The following PTPN3 variants were observed in gnomAD, a reference collection of about 807,000 sequenced individuals.
PTPN3 encodes the protein tyrosine-protein phosphatase non-receptor type 3.
A neutral mutation model predicts 132.7 loss-of-function variants in PTPN3; 96 were observed. The ratio of observed to expected loss-of-function variants is 0.72; its 90% CI spans 0.61 to 0.86. PTPN3 has a LOEUF of 0.86. Among genes scored for constraint, PTPN3 ranks in the 40% least tolerant of loss-of-function variants. The probability of loss-of-function intolerance (pLI) is 0.00; values close to 1 mark genes in which losing one functional copy is unlikely to be tolerated. For synonymous variants in PTPN3, 398 were observed against 429.0 expected (o/e 0.93, Z 0.89); for missense variants, 1,125 against 1,159.6 (o/e 0.97, Z 0.43).
the PTPN3 span, among the ~76,000 whole-genome samples, chr9:109,537,515 CTCTG>C: frequency 7.4e-6 from 1 of 134,722 alleles, no homozygotes. Flanking sequence ...TTTTCTTTCT[CTCTG>C]TCTGCCTGAC....
chr9:109,447,271 G>C (rs547187538), intron 6 of PTPN3, among the ~76,000 whole-genome samples: 42 of 152,226 alleles, frequency 2.8e-4, no homozygotes, highest in African/African-American at 7.9e-4. Flanking sequence ...GCGTAGTTCG[G>C]TGCCTGTCTC....
In PTPN3 at chr9:109,391,478, C is replaced by T. The variant is rs1490182986; in HGVS notation, c.2037G>A (p.Val679=). The T allele has an allele frequency of 1.2e-6, 2 of 1,612,400 alleles. No homozygotes were observed. The highest frequency in any genetic ancestry group is 1.1e-5 in the South Asian group (1 of 91,008). Residue 679 remains valine (V), a synonymous_variant, in exon 20 of 26, where the codon GTG becomes GTA. Transcript: ENST00000374541. Reference sequence around the variant, plus strand: ...TTCATGCCGGATACTCACAAGGCAGCACATCTTTATATCGGTTTTTGTCCA... The same window carrying T: ...TTCATGCCGGATACTCACAAGGCAGTACATCTTTATATCGGTTTTTGTCCA... ...QNLDKNRYKD[V]LPYDTTRVLL... is the part of the protein sequence containing the mutation.
intron 8 of PTPN3, among the ~76,000 whole-genome samples, chr9:109,437,745 A>G (rs1844162637): frequency 7.2e-6 from 1 of 139,462 alleles, no homozygotes; most frequent in Non-Finnish European, 1.6e-5. Context: ...CTGTTTAACA[A>G]GACCTGAAGG....
intron 7 of PTPN3, 110 bp from the exon 8 acceptor site, chr9:109,438,344 T>G: frequency 2.5e-6 from 3 of 1,196,318 alleles, no homozygotes; most frequent in Non-Finnish European, 2.3e-6. Flanking sequence ...AGAAATACTC[T>G]TCTGGTAAGT....
rs115197740 is a variant in PTPN3 at position 109,418,912 on chromosome 9, A to G, written c.1313+1512T>C. ...TGAGTGGGCTTCCCAGAGCCCTCCA[A>G]CGCTTCCCTAAACCGTTTTCTCCTT... On this transcript the variant is annotated intron_variant, in intron 14 of 25. Transcript: ENST00000374541. 4.9e-3 allele frequency among the ~76,000 whole-genome samples: 747 copies of G among 152,220 alleles called. 3 individuals carry two copies. Among genetic ancestry groups the G allele is most frequent in the African/African-American group, 0.017 (718 of 41,564 alleles).
chr9:109,391,290 G>A (rs1187443850), intron 20 of PTPN3, 91 bp from the exon 21 acceptor site: 6 of 1,340,140 alleles, frequency 4.5e-6, no homozygotes, highest in Non-Finnish European at 5.2e-6. Context: ...CCCATCTGCA[G>A]CTCTGCCTCA....
the PTPN3 span, among the ~76,000 whole-genome samples, chr9:109,527,486 TTAAAAA>T: frequency 1.3e-5 from 2 of 152,138 alleles, no homozygotes; most frequent in East Asian, 3.9e-4. Flanking sequence ...AAATAAAAAT[TTAAAAA>T]TAAAATAAAA....
chr9:109,389,238 C>T lies in PTPN3; in HGVS notation c.2248G>A (p.Gly750Arg). 3.1e-6 allele frequency: 5 copies of T among 1,614,154 alleles called. No individual in the cohort carries two copies. The highest frequency in any genetic ancestry group is 4.2e-6 in the Non-Finnish European group (5 of 1,180,014). The change falls in exon 22 of 26, where the codon GGG becomes AGG. Residue 750 changes from glycine (G) to arginine (R), a missense_variant. Physicochemically the swap from Gly to Arg is moderately radical, Grantham distance 125. Transcript: ENST00000374541. ...IVMLTTLTERGRTKCHQYWPD... is the reference protein window; with the variant it reads ...IVMLTTLTERRRTKCHQYWPD... ...TTAGAAATCAAGCTACTTACCCGCC[C>T]TCGTTCTGTGAGAGTCGTCAACATG...
Position 109,387,870 on chromosome 9 carries a change from C to T in PTPN3, c.2253+1363G>A, listed in dbSNP as rs1839726125. 2.0e-5 allele frequency among the ~76,000 whole-genome samples: 3 copies of T among 152,042 alleles called. No individual in the cohort carries two copies. The South Asian group carries it at 6.2e-4, about 32-fold the overall frequency. ...AATTGCAATGTTTCTAAGAAGAAACCCATGAGCCTCAAGGGAGAGCACAAA... is the reference window on the plus strand; with the variant it reads ...AATTGCAATGTTTCTAAGAAGAAACTCATGAGCCTCAAGGGAGAGCACAAA... On this transcript the variant is annotated intron_variant, in intron 22 of 25. Transcript: ENST00000374541.
intron 7 of PTPN3, among the ~76,000 whole-genome samples, chr9:109,441,109 T>C (rs913340411): frequency 6.6e-6 from 1 of 152,212 alleles, no homozygotes; most frequent in Admixed American, 6.5e-5. Context: ...ACTCTGACCA[T>C]AGTCCCTGCT....
At chr9:109,446,923 C>T (rs557662395) in intron 6 of PTPN3, among the ~76,000 whole-genome samples, 3 of 138,380 alleles carry the variant, frequency 2.2e-5, no homozygotes, top group African/African-American at 5.2e-5. Context: ...CCTTGAGTGC[C>T]GGCTACCATG....
At chr9:109,468,511 C>G (rs1026249557) in intron 1 of PTPN3, among the ~76,000 whole-genome samples, 11 of 152,048 alleles carry the variant, frequency 7.2e-5, no homozygotes, top group African/African-American at 2.4e-4. Context: ...GGACTACAGG[C>G]GCCCGCCACC....
chr9:109,417,884 A>C, intron 14 of PTPN3: 1 of 726,202 alleles, frequency 1.4e-6, no homozygotes, highest in Non-Finnish European at 1.7e-6. Flanking sequence ...CACACTTTAC[A>C]AGGTCTCAAG....
chr9:109,414,654 A>C (rs77441925), intron 14 of PTPN3, among the ~76,000 whole-genome samples: 5,775 of 152,282 alleles, frequency 0.038, 147 homozygotes, highest in East Asian at 0.15. Context: ...ATGGTGCTTT[A>C]TGAGCTCACA....
intron 19 of PTPN3, among the ~76,000 whole-genome samples, chr9:109,404,033 A>G (rs1841358034): frequency 1.3e-5 from 2 of 149,274 alleles, no homozygotes; most frequent in Admixed American, 6.6e-5. Flanking sequence ...TCCTTCACCC[A>G]CAGCCACCTC....
rs1838840942 is a variant in PTPN3 at position 109,379,489 on chromosome 9, G to A, written c.*67C>T. The A allele has an allele frequency of 2.1e-5, 30 of 1,432,638 alleles. No individual in the cohort carries two copies. Among genetic ancestry groups the A allele is most frequent in the Non-Finnish European group, 2.9e-5 (29 of 1,017,152 alleles). 88.7% of individuals were successfully genotyped at this position (1,432,638 alleles called of 1,614,324 possible). On this transcript the variant is annotated 3_prime_UTR_variant, in exon 26 of 26. Coordinates refer to ENST00000374541, the MANE Select transcript of PTPN3 (RefSeq NM_002829.4). ...ACTGGTTCCTCTTGCTGCTTCCAGAGAGGTCTGTCCTCCTCTTTCAAGGAG... is the reference window on the plus strand; with the variant it reads ...ACTGGTTCCTCTTGCTGCTTCCAGAAAGGTCTGTCCTCCTCTTTCAAGGAG...
chr9:109,415,063 C>T (rs548418853), intron 14 of PTPN3, among the ~76,000 whole-genome samples: 3 of 131,656 alleles, frequency 2.3e-5, no homozygotes, highest in East Asian at 2.6e-4. Context: ...TCCGTCCATC[C>T]GTCCGTCCAT....
At chr9:109,408,439 A>AACAT in intron 16 of PTPN3, 62 bp from the exon 17 acceptor site, 1 of 1,354,236 alleles carries the variant, frequency 7.4e-7, no homozygotes, top group Non-Finnish European at 1.0e-6. Flanking sequence ...CAAACAAACA[A>AACAT]AAAAACGAGT....
chr9:109,387,294 G>A (rs1839669624), intron 22 of PTPN3, among the ~76,000 whole-genome samples: 3 of 152,208 alleles, frequency 2.0e-5, no homozygotes, highest in Admixed American at 2.0e-4. Context: ...CTGACTCAGA[G>A]ATCAGTTCTC....
Sources: gnomAD v4.1 joint callset for allele counts (sites outside exome capture counted in the v4.1 genomes callset) on GRCh38, gnomAD v4.1.1 for gene constraint, MANE v1.5 for transcripts, NCBI Gene and HGNC (gene_info 2026-07-23, HGNC 2026-07-21) for gene names.